VIPR2: variants seen among roughly 807,000 people sequenced by gnomAD.
The protein encoded by VIPR2 is vasoactive intestinal polypeptide receptor 2.
A neutral mutation model predicts 58.0 loss-of-function variants in VIPR2; 48 were observed. The observed-to-expected ratio is 0.83, with a 90% CI of 0.66 to 1.05. The LOEUF (loss-of-function observed/expected upper bound fraction) is 1.05. VIPR2 is among the 50% of genes least tolerant of loss of function. VIPR2 has a pLI of 0.00. For synonymous variants in VIPR2, 243 were observed against 235.2 expected, an observed-to-expected ratio of 1.03 and a Z score of -0.30; for missense variants, 534 against 558.0, an observed-to-expected ratio of 0.96 and a Z score of 0.43.
intron 5 of VIPR2, among the ~76,000 whole-genome samples, chr7:159,055,180 C>A (rs2129493876): frequency 6.6e-6 from 1 of 152,294 alleles, no homozygotes; most frequent in Middle Eastern, 3.4e-3. Context: ...AACCTCCTTG[C>A]AAAATGCTGA....
chr7:159,031,603 T>C lies in VIPR2; in HGVS notation c.1143+225A>G. The C allele has an allele frequency of 1.0e-6, 1 of 985,314 alleles. No homozygotes were observed. Among genetic ancestry groups the C allele is most frequent in the Non-Finnish European group, 1.2e-6 (1 of 829,908 alleles). The allele number at this position is 985,314 out of a possible 1,614,324, so 61.0% of individuals were successfully genotyped here. ...CGAGACGGACGGCAGTCGATGCTAC[T>C]TAGGGTGGACGGAAGGACGGCGGGG... On this transcript the variant is annotated intron_variant, in intron 12 of 12. Coordinates refer to ENST00000262178, the MANE Select transcript of VIPR2 (RefSeq NM_003382.5). This position sits in a 1 kb window ranked among gnomAD's most constrained non-coding sequence, Gnocchi z 4.0.
At chr7:159,033,303 AG>A (rs1319454795) in intron 10 of VIPR2, among the ~76,000 whole-genome samples, 1 of 151,956 alleles carries the variant, frequency 6.6e-6, no homozygotes, top group Non-Finnish European at 1.5e-5. Flanking sequence ...GTGGGAGAAA[AG>A]GGAAATGCAG....
chr7:159,118,852 C>T (rs1259708080), intron 2 of VIPR2, among the ~76,000 whole-genome samples: 2 of 152,262 alleles, frequency 1.3e-5, no homozygotes, highest in Non-Finnish European at 2.9e-5. Context: ...ATGGGCTCTG[C>T]TGTTCCGAGT....
At chr7:159,050,411 T>A (rs1453922411) in intron 5 of VIPR2, among the ~76,000 whole-genome samples, 1 of 150,216 alleles carries the variant, frequency 6.7e-6, no homozygotes, top group Non-Finnish European at 1.5e-5. Flanking sequence ...CAGATGCTAG[T>A]GTTTTAAGAC....
Position 159,031,940 on chromosome 7 carries a change from G to A in VIPR2, c.1099C>T (p.Gln367Ter), listed in dbSNP as rs890738596. 1.1e-5 allele frequency: 17 copies of A among 1,614,140 alleles called. No homozygotes were observed. Among genetic ancestry groups the A allele is most frequent in the Admixed American group, 1.7e-5 (1 of 60,020 alleles). The change falls in exon 11 of 13, where the codon CAG becomes TAG. Residue 367 changes from glutamine (Q) to a stop codon, truncating the protein, a stop_gained and splice_region_variant. Transcript: ENST00000262178. LOFTEE classifies it low-confidence loss of function (END_TRUNC). The surrounding 1 kb of genome is among the most constrained non-coding windows in gnomAD (Gnocchi z 4.0). ...ILFELCLGSF[Q>*]GLVVAVLYCF... ...GGCGGCCGCCTCCGCACACCTACCTGGAACGACCCGAGGCACAGCTCAAAC... is the reference window on the plus strand; with the variant it reads ...GGCGGCCGCCTCCGCACACCTACCTAGAACGACCCGAGGCACAGCTCAAAC...
chr7:159,032,167 G>T, intron 10 of VIPR2, 100 bp from the exon 11 acceptor site: 1 of 1,487,408 alleles, frequency 6.7e-7, no homozygotes, highest in Admixed American at 2.0e-5. Context: ...GTGTGGGAGG[G>T]GCTCCACACC....
At chr7:159,115,255 A>G (rs1796193247) in intron 2 of VIPR2, among the ~76,000 whole-genome samples, 2 of 152,212 alleles carry the variant, frequency 1.3e-5, no homozygotes, top group Admixed American at 6.5e-5. Context: ...GAGTTAGACA[A>G]ATGCAACATA....
chr7:159,039,850 C>A (rs1854210002), intron 6 of VIPR2, among the ~76,000 whole-genome samples: 1 of 152,208 alleles, frequency 6.6e-6, no homozygotes, highest in South Asian at 2.1e-4. Context: ...AGACGCATGT[C>A]CGGTGATGCC....
At chr7:159,064,991 G>A (rs1022892095) in intron 4 of VIPR2, among the ~76,000 whole-genome samples, 1 of 152,108 alleles carries the variant, frequency 6.6e-6, no homozygotes, top group African/African-American at 2.4e-5. Flanking sequence ...AGAAGCAGGC[G>A]GTGGGAACTC....
Position 159,128,012 on chromosome 7 carries a change from C to T in VIPR2, c.151+14434G>A, listed in dbSNP as rs1197039145. ...ATCATCCCAGAACATACATCCACAGCGCCAGGACAAACCACCGCTCCCCCC... is the reference window on the plus strand; with the variant it reads ...ATCATCCCAGAACATACATCCACAGTGCCAGGACAAACCACCGCTCCCCCC... On this transcript the variant is annotated intron_variant, in intron 2 of 12. Transcript: ENST00000262178. The surrounding 1 kb of genome is among the most constrained non-coding windows in gnomAD (Gnocchi z 4.1). 6.6e-6 allele frequency among the ~76,000 whole-genome samples: 1 copy of T among 152,164 alleles called. No homozygotes were observed. Among genetic ancestry groups the T allele is most frequent in the East Asian group, 1.9e-4 (1 of 5,186 alleles).
At chr7:159,061,822 G>T (rs942624846) in intron 4 of VIPR2, among the ~76,000 whole-genome samples, 4 of 152,128 alleles carry the variant, frequency 2.6e-5, no homozygotes, top group African/African-American at 9.7e-5. Flanking sequence ...GGCGAGCCGC[G>T]GCGGAGTACC....
At position 159,050,607 on chromosome 7, in the gene VIPR2, T is replaced by C. The variant is rs1291390712; in HGVS notation, c.456-7431A>G. On this transcript the variant is annotated intron_variant, in intron 5 of 12. Coordinates refer to ENST00000262178, the MANE Select transcript of VIPR2 (RefSeq NM_003382.5). The stretch of plus-strand genomic sequence containing the variant: ...CGAGTACCATGAATTGGATCAGTAG[T>C]ATGTCTAGATTAAAGTAGAAACCAA... Among the ~76,000 whole-genome samples the C allele has an allele frequency of 2.0e-5, 3 of 152,142 alleles. No individual in the cohort carries two copies. In the East Asian group the frequency reaches 5.8e-4, roughly 29 times the overall value.
intron 4 of VIPR2, among the ~76,000 whole-genome samples, chr7:159,060,128 C>G (rs961822532): frequency 6.6e-6 from 1 of 150,744 alleles, no homozygotes; most frequent in Admixed American, 6.6e-5. Flanking sequence ...TTCACCTCAC[C>G]TAACCATCAC....
intron 9 of VIPR2, 55 bp from the exon 10 acceptor site, chr7:159,034,359 T>C: frequency 4.4e-6 from 7 of 1,575,734 alleles, no homozygotes; most frequent in African/African-American, 2.7e-5. Flanking sequence ...TAATTTGCCC[T>C]GAAGTCCACC....
intron 4 of VIPR2, among the ~76,000 whole-genome samples, chr7:159,075,863 C>T (rs1381115098): frequency 6.6e-6 from 1 of 152,098 alleles, no homozygotes; most frequent in East Asian, 1.9e-4. Flanking sequence ...ACCCATGGAC[C>T]CGCTGCATCA....
chr7:159,106,337 G>A (rs903354015), intron 3 of VIPR2, among the ~76,000 whole-genome samples: 1 of 152,276 alleles, frequency 6.6e-6, no homozygotes. Flanking sequence ...TGAGACACAT[G>A]GGGCAGATGT....
intron 4 of VIPR2, among the ~76,000 whole-genome samples, chr7:159,062,047 G>A (rs756179218): frequency 6.6e-6 from 1 of 152,242 alleles, no homozygotes; most frequent in African/African-American, 2.4e-5. Context: ...CCCTGCAGAG[G>A]GCGAGGTGTG....
intron 2 of VIPR2, among the ~76,000 whole-genome samples, chr7:159,123,012 C>T (rs777676595): frequency 1.3e-5 from 2 of 152,090 alleles, no homozygotes; most frequent in African/African-American, 4.8e-5. Flanking sequence ...GACCCAGTGT[C>T]GGCCGGGCGC....
chr7:159,114,338 G>C (rs983291548), intron 2 of VIPR2, among the ~76,000 whole-genome samples: 1 of 151,988 alleles, frequency 6.6e-6, no homozygotes, highest in African/African-American at 2.4e-5. Context: ...GGAGACGCCT[G>C]TCTGTTTGGA....
Sources: allele counts gnomAD v4.1 joint callset (sites outside exome capture counted in the v4.1 genomes callset), GRCh38; gene constraint gnomAD v4.1.1; non-coding constraint Gnocchi (gnomAD v3.1); transcripts MANE v1.5; gene names NCBI Gene and HGNC (gene_info 2026-07-23, HGNC 2026-07-21).